The following NUDCD1 variants were observed in gnomAD, a reference collection of about 807,000 sequenced individuals.
NUDCD1 encodes the protein nudC domain-containing protein 1.
In NUDCD1, 60 loss-of-function variants were observed where a neutral mutation model predicts 67.8. The ratio of observed to expected loss-of-function variants is 0.88; its 90% confidence interval spans 0.72 to 1.10. The LOEUF (loss-of-function observed/expected upper bound fraction) is 1.10, where lower values mean the gene tolerates loss of function less well. NUDCD1 is among the 50% of genes least tolerant of loss of function. The probability of loss-of-function intolerance (pLI) is 0.00; values close to 1 mark genes in which losing one functional copy is unlikely to be tolerated. For synonymous variants in NUDCD1, 244 were observed against 230.8 expected, an observed-to-expected ratio of 1.06 and a Z score of -0.52; for missense variants, 643 against 695.0, an observed-to-expected ratio of 0.93 and a Z score of 0.84.
In NUDCD1 at chr8:109,324,881, T is replaced by C. The variant is rs571400073; in HGVS notation, c.119-2418A>G. ...GCGGGCGGATCACGAGGTCAGGAGA[T>C]TGAGACCATCCTGGCCAACATGATG... On this transcript the variant is annotated intron_variant, in intron 1 of 9. Coordinates refer to ENST00000239690, the MANE Select transcript of NUDCD1 (RefSeq NM_032869.4). Among the ~76,000 whole-genome samples the C allele has an allele frequency of 1.1e-4, 16 of 152,166 alleles. No individual in the cohort carries two copies. In the South Asian group the frequency reaches 3.3e-3, roughly 32 times the overall value.
At position 109,275,347 on chromosome 8, in the gene NUDCD1, C is replaced by CT; in HGVS notation, c.1173+4dup. Reference sequence around the variant, plus strand: ...GAAAGTCACACTACTATTCCAACTACTTACCAGTTCTTCAGAGGTCAAATG... The same window carrying CT: ...GAAAGTCACACTACTATTCCAACTACTTTACCAGTTCTTCAGAGGTCAAATG... On this transcript the variant is annotated splice_donor_region_variant and intron_variant, in intron 7 of 9. Coordinates refer to ENST00000239690, the MANE Select transcript of NUDCD1 (RefSeq NM_032869.4). The CT allele has an allele frequency of 6.2e-7, 1 of 1,612,022 alleles. No homozygotes were observed. The highest frequency in any genetic ancestry group is 8.5e-7 in the Non-Finnish European group (1 of 1,179,018).
intron 8 of NUDCD1, among the ~76,000 whole-genome samples, chr8:109,251,833 T>C (rs1813629791): frequency 6.6e-6 from 1 of 152,056 alleles, no homozygotes; most frequent in Non-Finnish European, 1.5e-5. Context: ...CCTAGTTTCT[T>C]AATGTGAAAG....
Position 109,328,371 on chromosome 8 carries a change from CCTT to C in NUDCD1, c.118+5519_118+5521del, listed in dbSNP as rs557979040. Among the ~76,000 whole-genome samples the C allele has an allele frequency of 4.2e-3, 643 of 152,232 alleles. 6 individuals are homozygous for C. Among genetic ancestry groups the C allele is most frequent in the Non-Finnish European group, 7.0e-3 (473 of 68,006 alleles). ...TTGTATGCAGAGTTGACTTCAACCTCCTTGAGTTGAAGAAACTAGGCTACTACT... is the reference window on the plus strand; with the variant it reads ...TTGTATGCAGAGTTGACTTCAACCTCGAGTTGAAGAAACTAGGCTACTACT... On this transcript the variant is annotated intron_variant, in intron 1 of 9. Transcript: ENST00000239690.
At position 109,244,445 on chromosome 8, in the gene NUDCD1, T is replaced by C. The variant is rs201441037; in HGVS notation, c.1459+877A>G. ...TATAGATAATTAAAAAATAGCATTA[T>C]AGTAGGGAGGCTAAAAATTATATGG... On this transcript the variant is annotated intron_variant, in intron 9 of 9. Transcript: ENST00000239690. Among the ~76,000 whole-genome samples, 7 of 152,220 alleles carry C rather than the reference T, an allele frequency of 4.6e-5. No homozygotes were observed. The East Asian group carries it at 1.3e-3, about 29-fold the overall frequency.
intron 7 of NUDCD1, among the ~76,000 whole-genome samples, chr8:109,273,084 G>A (rs114627184): frequency 6.6e-6 from 1 of 152,108 alleles, no homozygotes; most frequent in African/African-American, 2.4e-5. Context: ...AGAGAAAAGG[G>A]TCAAACATGC....
intron 8 of NUDCD1, among the ~76,000 whole-genome samples, chr8:109,259,143 G>C (rs1028029785): frequency 6.6e-6 from 1 of 152,126 alleles, no homozygotes; most frequent in African/African-American, 2.4e-5. Flanking sequence ...AGCAAATAAC[G>C]CAAATAACCT....
intron 8 of NUDCD1, among the ~76,000 whole-genome samples, chr8:109,246,452 A>T (rs1437946835): frequency 1.3e-5 from 2 of 152,264 alleles, no homozygotes; most frequent in Non-Finnish European, 2.9e-5. Flanking sequence ...TCACACTCAG[A>T]TGTTTAAAAC....
chr8:109,245,489 G>T lies in NUDCD1; in HGVS notation c.1300-8C>A. On this transcript the variant is annotated splice_region_variant and splice_polypyrimidine_tract_variant and intron_variant, in intron 8 of 9. Transcript: ENST00000239690. Reference sequence around the variant, plus strand: ...GTTGCTTCCAAGATTCACCTAAAAAGTGATTTAAAAAAAAATTTACTCAAC... The same window carrying T: ...GTTGCTTCCAAGATTCACCTAAAAATTGATTTAAAAAAAAATTTACTCAAC... The T allele has an allele frequency of 6.3e-7, 1 of 1,583,084 alleles. No individual in the cohort carries two copies. The highest frequency in any genetic ancestry group is 8.6e-7 in the Non-Finnish European group (1 of 1,165,712).
chr8:109,312,451 T>C (rs894716566), intron 2 of NUDCD1, among the ~76,000 whole-genome samples: 3 of 152,238 alleles, frequency 2.0e-5, no homozygotes. Flanking sequence ...AAAATAACTA[T>C]AGGCTTTTTG....
rs934275578 is a variant in NUDCD1, at chr8:109,322,432, T to C, written c.150A>G (p.Gln50=). ...AVAEVKLRDD[Q]YTLEHMHAFG... ...AAGCATGCATGTGTTCCAGTGTATA[T>C]TGATCATCTCGAAGTTTTACCTCTG... The change falls in exon 2 of 10, where the codon CAA becomes CAG. Residue 50 remains glutamine (Q), a synonymous_variant. Transcript: ENST00000239690. 36 of 1,598,302 alleles carry C rather than the reference T, an allele frequency of 2.3e-5. No homozygotes were observed. Among genetic ancestry groups the C allele is most frequent in the Non-Finnish European group, 2.7e-5 (32 of 1,169,322 alleles).
At chr8:109,307,413 T>C (rs950123417) in intron 2 of NUDCD1, among the ~76,000 whole-genome samples, 1 of 152,202 alleles carries the variant, frequency 6.6e-6, no homozygotes, top group African/African-American at 2.4e-5. Flanking sequence ...GCCTTGTGGC[T>C]CACACAAAGC....
chr8:109,246,635 C>T (rs1813503090), intron 8 of NUDCD1, among the ~76,000 whole-genome samples: 1 of 152,122 alleles, frequency 6.6e-6, no homozygotes, highest in Admixed American at 6.6e-5. Flanking sequence ...TACAGCAATA[C>T]TTTTTCTAAA....
chr8:109,293,142 G>A (rs890276128), intron 4 of NUDCD1, among the ~76,000 whole-genome samples: 1 of 151,894 alleles, frequency 6.6e-6, no homozygotes, highest in Non-Finnish European at 1.5e-5. Flanking sequence ...AATTGGCTGT[G>A]GATGCACACT....
rs562350868 is a variant in NUDCD1, at chr8:109,325,135, G to A, written c.119-2672C>T. ...CCAGGTACAGAAAGACATCATACAC[G>A]CAGCTAAAAAAGTGGATTTCATGGA... On this transcript the variant is annotated intron_variant, in intron 1 of 9. Transcript: ENST00000239690. Among the ~76,000 whole-genome samples the A allele has an allele frequency of 2.4e-4, 36 of 151,966 alleles. 1 individual carries two copies. Among genetic ancestry groups the A allele is most frequent in the African/African-American group, 7.5e-4 (31 of 41,480 alleles).
In NUDCD1 at chr8:109,334,013, C is replaced by A. The variant is rs1815886360; in HGVS notation, c.-3G>T. ...GAGCAATTAGCCGCCACCTCCATCGCTTTCCAGGGCCGCAGCGTGAGAATT... is the reference window on the plus strand; with the variant it reads ...GAGCAATTAGCCGCCACCTCCATCGATTTCCAGGGCCGCAGCGTGAGAATT... On this transcript the variant is annotated 5_prime_UTR_variant, in exon 1 of 10. Coordinates refer to ENST00000239690, the MANE Select transcript of NUDCD1 (RefSeq NM_032869.4). 2 of 1,614,056 alleles carry A rather than the reference C, an allele frequency of 1.2e-6. No individual in the cohort carries two copies. The highest frequency in any genetic ancestry group is 2.7e-5 in the African/African-American group (2 of 74,934).
intron 5 of NUDCD1, among the ~76,000 whole-genome samples, chr8:109,281,794 A>G (rs1437221306): frequency 1.3e-5 from 2 of 152,000 alleles, no homozygotes; most frequent in African/African-American, 4.8e-5. Flanking sequence ...CACCTTTCCT[A>G]TTCATAGATC....
chr8:109,306,836 C>A (rs1362729179), intron 2 of NUDCD1, among the ~76,000 whole-genome samples: 2 of 152,034 alleles, frequency 1.3e-5, no homozygotes. Flanking sequence ...CCCACAATAT[C>A]ACCCCTTACC....
chr8:109,258,449 G>A (rs1813788043), intron 8 of NUDCD1, among the ~76,000 whole-genome samples: 1 of 151,758 alleles, frequency 6.6e-6, no homozygotes, highest in Non-Finnish European at 1.5e-5. Context: ...CTCCAGCCAG[G>A]AACATAGACT....
intron 8 of NUDCD1, among the ~76,000 whole-genome samples, chr8:109,249,831 A>G (rs1813581549): frequency 6.6e-6 from 1 of 151,032 alleles, no homozygotes; most frequent in South Asian, 2.1e-4. Context: ...TGAGATATAT[A>G]AAGAATTGTT....
Sources: allele counts gnomAD v4.1 joint callset (sites outside exome capture counted in the v4.1 genomes callset), GRCh38; gene constraint gnomAD v4.1.1; transcripts MANE v1.5; gene names NCBI Gene and HGNC (gene_info 2026-07-23, HGNC 2026-07-21).